UBTD2: variants seen among roughly 807,000 people sequenced by gnomAD.
UBTD2 encodes ubiquitin domain containing 2.
In UBTD2, 9 loss-of-function variants were observed where a neutral mutation model predicts 19.8. That is an observed-to-expected ratio of 0.46 (90% CI 0.27 to 0.79). The LOEUF (loss-of-function observed/expected upper bound fraction) is 0.79. Among genes scored for constraint, UBTD2 ranks in the 30% least tolerant of loss-of-function variants. The pLI, the probability that UBTD2 is intolerant of heterozygous loss-of-function variation, is 0.14. For synonymous variants in UBTD2, 98 were observed against 103.9 expected, an observed-to-expected ratio of 0.94 and a Z score of 0.35; for missense variants, 250 against 300.4, an observed-to-expected ratio of 0.83 and a Z score of 1.24.
At chr5:172,240,437 A>T (rs993899407) in intron 1 of UBTD2, among the ~76,000 whole-genome samples, 1 of 152,194 alleles carries the variant, frequency 6.6e-6, no homozygotes, top group Admixed American at 6.5e-5. Context: ...GAAGCATAAT[A>T]ATTTTAAAGG....
chr5:172,272,740 C>G (rs1198397287), intron 1 of UBTD2, among the ~76,000 whole-genome samples: 4 of 152,156 alleles, frequency 2.6e-5, no homozygotes, highest in African/African-American at 9.7e-5. Flanking sequence ...TTTGCATATA[C>G]AGTAATAAAA....
At chr5:172,228,848 T>C (rs1358230104) in intron 2 of UBTD2, among the ~76,000 whole-genome samples, 1 of 152,214 alleles carries the variant, frequency 6.6e-6, no homozygotes, top group Admixed American at 6.5e-5. Context: ...CTTTATACTA[T>C]TTGTAAGTGC....
chr5:172,257,351 G>A (rs1031471766), intron 1 of UBTD2, among the ~76,000 whole-genome samples: 2 of 152,182 alleles, frequency 1.3e-5, no homozygotes, highest in Admixed American at 6.5e-5. Context: ...ATTCCATGGT[G>A]TATACATACC....
At chr5:172,264,223 C>T (rs1755327749) in intron 1 of UBTD2, among the ~76,000 whole-genome samples, 1 of 151,980 alleles carries the variant, frequency 6.6e-6, no homozygotes, top group South Asian at 2.1e-4. Flanking sequence ...TCTCCTCCTC[C>T]TCCAGCATCC....
chr5:172,228,673 A>G (rs926863965), intron 2 of UBTD2, among the ~76,000 whole-genome samples: 7 of 152,010 alleles, frequency 4.6e-5, no homozygotes, highest in Non-Finnish European at 8.8e-5. Flanking sequence ...GTGAGCTAAG[A>G]TCGCACCACT....
intron 1 of UBTD2, among the ~76,000 whole-genome samples, chr5:172,258,585 T>C (rs1755205854): frequency 6.6e-6 from 1 of 152,222 alleles, no homozygotes; most frequent in African/African-American, 2.4e-5. Flanking sequence ...CTTAACAATA[T>C]TGATTCTTCC....
chr5:172,225,933 CTTTTTTTTTTTT>C (rs57155195), intron 2 of UBTD2, among the ~76,000 whole-genome samples: 5 of 107,500 alleles, frequency 4.7e-5, no homozygotes, highest in African/African-American at 1.9e-4. Context: ...GGCTTAAACT[CTTTTTTTTTTTT>C]TTTTTTTTTT....
intron 1 of UBTD2, among the ~76,000 whole-genome samples, chr5:172,274,560 A>G (rs1195905602): frequency 6.6e-6 from 1 of 152,184 alleles, no homozygotes; most frequent in Non-Finnish European, 1.5e-5. Flanking sequence ...AGTACACTGG[A>G]CATTCTTGGT....
chr5:172,260,068 C>G (rs1490416259), intron 1 of UBTD2, among the ~76,000 whole-genome samples: 1 of 148,442 alleles, frequency 6.7e-6, no homozygotes, highest in Non-Finnish European at 1.5e-5. Flanking sequence ...ACCCCCTCCC[C>G]GCCGCACCCC....
intron 2 of UBTD2, 40 bp downstream of exon 2, chr5:172,234,082 T>C: frequency 6.3e-7 from 1 of 1,592,896 alleles, no homozygotes; most frequent in Admixed American, 1.7e-5. Context: ...GAAACAAAGT[T>C]GATTATGTTT....
rs35488668 is a variant in UBTD2 at position 172,273,084 on chromosome 5, C to CA, written c.70+10511dup. 5.6e-4 allele frequency among the ~76,000 whole-genome samples: 59 copies of CA among 105,970 alleles called. 1 individual carries two copies. Among genetic ancestry groups the CA allele is most frequent in the South Asian group, 4.6e-3 (13 of 2,846 alleles). 69.5% of individuals were successfully genotyped at this position (105,970 alleles called of 152,430 possible). A position where few individuals can be genotyped will look rare whatever the true frequency, so the allele number is the denominator to read the frequency against. On this transcript the variant is annotated intron_variant, in intron 1 of 2. Coordinates refer to ENST00000393792, the MANE Select transcript of UBTD2 (RefSeq NM_152277.3). ...ACAGCAAGCCTCCGTCTCTCCGTCT[C>CA]AAAAAAAAAAATAAAAATAAAAATA... is the stretch of plus-strand genomic sequence containing the variant.
intron 1 of UBTD2, among the ~76,000 whole-genome samples, chr5:172,269,543 T>C (rs2113118380): frequency 6.6e-6 from 1 of 151,010 alleles, no homozygotes; most frequent in African/African-American, 2.4e-5. Context: ...GTAACCTTGG[T>C]AAAGATGGTC....
intron 1 of UBTD2, among the ~76,000 whole-genome samples, chr5:172,279,485 G>C (rs1254100783): frequency 1.3e-5 from 2 of 152,188 alleles, no homozygotes; most frequent in Admixed American, 6.5e-5. Context: ...TTCTGGAATA[G>C]AGACTAAAGG....
chr5:172,215,866 T>A (rs1771531155), intron 2 of UBTD2, among the ~76,000 whole-genome samples: 1 of 152,158 alleles, frequency 6.6e-6, no homozygotes, highest in African/African-American at 2.4e-5. Context: ...TTTGATGATA[T>A]CTCAGTAAAA....
chr5:172,259,946 G>A (rs965505058), intron 1 of UBTD2, among the ~76,000 whole-genome samples: 6 of 152,020 alleles, frequency 3.9e-5, no homozygotes, highest in East Asian at 1.9e-4. Flanking sequence ...CCAGCTACTC[G>A]GGAGGCTGAG....
At chr5:172,242,496 A>G (rs983744911) in intron 1 of UBTD2, 1 of 891,116 alleles carries the variant, frequency 1.1e-6, no homozygotes, top group African/African-American at 1.8e-5. Flanking sequence ...GTGTGAAGAC[A>G]TTTTAACTTG....
chr5:172,265,728 T>A (rs1370596584), intron 1 of UBTD2, among the ~76,000 whole-genome samples: 1 of 152,158 alleles, frequency 6.6e-6, no homozygotes, highest in African/African-American at 2.4e-5. Flanking sequence ...TTATTGCAGA[T>A]GTACTAGGCA....
chr5:172,268,923 G>A (rs970777171), intron 1 of UBTD2, among the ~76,000 whole-genome samples: 1 of 152,120 alleles, frequency 6.6e-6, no homozygotes, highest in Non-Finnish European at 1.5e-5. Context: ...GATCTCAGAG[G>A]ACATGAAGAT....
At chr5:172,222,137 A>G (rs976654322) in intron 2 of UBTD2, among the ~76,000 whole-genome samples, 2 of 152,244 alleles carry the variant, frequency 1.3e-5, no homozygotes, top group Non-Finnish European at 2.9e-5. Context: ...AAATATCAAT[A>G]AAAGTAATAT....
Sources: allele counts gnomAD v4.1 joint callset (sites outside exome capture counted in the v4.1 genomes callset), GRCh38; gene constraint gnomAD v4.1.1; transcripts MANE v1.5; gene names NCBI Gene and HGNC (gene_info 2026-07-23, HGNC 2026-07-21).